INSYN2A: variants seen among roughly 807,000 people sequenced by gnomAD.
INSYN2A encodes the protein family with sequence similarity 196 member A.
In INSYN2A, 17 loss-of-function variants were observed where a neutral mutation model predicts 39.4. That is an observed-to-expected ratio of 0.43 (90% CI 0.30 to 0.65). The LOEUF (loss-of-function observed/expected upper bound fraction) is 0.65, where lower values mean the gene tolerates loss of function less well. Ranked by LOEUF, INSYN2A falls within the 30% of genes least tolerant of loss-of-function variation. The probability of loss-of-function intolerance (pLI) is 0.14; values close to 1 mark genes in which losing one functional copy is unlikely to be tolerated. For missense variants in INSYN2A, 595 were observed against 631.2 expected, an observed-to-expected ratio of 0.94 and a Z score of 0.61; for synonymous variants, 255 against 265.7, an observed-to-expected ratio of 0.96 and a Z score of 0.39.
chr10:127,143,203 A>G (rs1423856124), intron 5 of INSYN2A, among the ~76,000 whole-genome samples: 2 of 152,210 alleles, frequency 1.3e-5, no homozygotes, highest in Non-Finnish European at 2.9e-5. Flanking sequence ...GCAGTCGTCC[A>G]TGTGTAACAG....
chr10:127,139,068 C>T (rs150888179), intron 5 of INSYN2A, among the ~76,000 whole-genome samples: 144 of 152,290 alleles, frequency 9.5e-4, no homozygotes, highest in African/African-American at 3.2e-3. Context: ...GGGAGGATTC[C>T]GCTCTGTCCT....
At chr10:127,178,066 G>A (rs2055348699) in intron 2 of INSYN2A, among the ~76,000 whole-genome samples, 3 of 152,102 alleles carry the variant, frequency 2.0e-5, no homozygotes, top group Admixed American at 1.3e-4. Flanking sequence ...ATGACAGGCC[G>A]AGGTGCACGG....
chr10:127,176,235 T>C lies in INSYN2A; in HGVS notation c.161A>G (p.Glu54Gly). Residue 54 changes from glutamate (E) to glycine (G), a missense_variant, in exon 4 of 6, where the codon GAG (glutamate) becomes GGG (glycine). Glu to Gly is a moderately conservative substitution (Grantham distance 98, BLOSUM62 -2). This residue lies in a region of INSYN2A where 478 missense variants were observed against 467.4 expected (regional missense o/e 1.02). Coordinates refer to ENST00000522781, the MANE Select transcript of INSYN2A (RefSeq NM_001039762.3). This position sits in a 1 kb window ranked among gnomAD's most constrained non-coding sequence, Gnocchi z 4.4. ...ALQVRFKDIC[E>G]AQNEQRDTQL... Reference sequence around the variant, plus strand: ...TGTGTCCCTCTGCTCATTCTGTGCCTCGCAGATATCCTTAAACCGCACCTG... The same window carrying C: ...TGTGTCCCTCTGCTCATTCTGTGCCCCGCAGATATCCTTAAACCGCACCTG... The C allele has an allele frequency of 6.2e-7, 1 of 1,614,164 alleles. No homozygotes were observed. Among genetic ancestry groups the C allele is most frequent in the African/African-American group, 1.3e-5 (1 of 75,040 alleles).
chr10:127,193,866 C>T (rs1294793858), intron 1 of INSYN2A, among the ~76,000 whole-genome samples: 1 of 152,156 alleles, frequency 6.6e-6, no homozygotes, highest in African/African-American at 2.4e-5. Context: ...ATAGAGTACC[C>T]AGCCTCCCAT....
At chr10:127,159,234 T>TCACAGGA (rs2053369894) in intron 4 of INSYN2A, among the ~76,000 whole-genome samples, 2 of 152,300 alleles carry the variant, frequency 1.3e-5, no homozygotes, top group South Asian at 4.2e-4. Flanking sequence ...CCACCTTTCT[T>TCACAGGA]CACAGGACTT....
intron 2 of INSYN2A, among the ~76,000 whole-genome samples, chr10:127,178,552 C>T (rs540321698): frequency 3.3e-5 from 5 of 152,324 alleles, no homozygotes; most frequent in South Asian, 4.1e-4. Context: ...TGCATTAGCC[C>T]TTGCACCTCT....
Position 127,177,044 on chromosome 10 carries a change from A to C in INSYN2A, c.-173T>G, listed in dbSNP as rs376882111. 1 of 152,266 alleles carries C rather than the reference A, an allele frequency of 6.6e-6. No homozygotes were observed. Among genetic ancestry groups the C allele is most frequent in the East Asian group, 1.9e-4 (1 of 5,168 alleles). The allele number at this position is 152,266 out of a possible 1,614,324, so 9.4% of individuals were successfully genotyped here. On this transcript the variant is annotated 5_prime_UTR_variant, in exon 3 of 6. Transcript: ENST00000522781. Reference sequence around the variant, plus strand: ...AGGGGTGGTCGCTTCTCATGGGTTAACATCAGCTCTAAAAGGAACGTGGGT... The same window carrying C: ...AGGGGTGGTCGCTTCTCATGGGTTACCATCAGCTCTAAAAGGAACGTGGGT...
intron 4 of INSYN2A, among the ~76,000 whole-genome samples, chr10:127,171,450 T>C (rs1229668173): frequency 1.3e-5 from 2 of 152,210 alleles, no homozygotes; most frequent in Non-Finnish European, 2.9e-5. Context: ...ATGACCCCTT[T>C]GGGCCAGGTC....
chr10:127,143,700 A>G (rs2051502696), intron 5 of INSYN2A, among the ~76,000 whole-genome samples: 2 of 152,146 alleles, frequency 1.3e-5, no homozygotes, highest in South Asian at 4.1e-4. Flanking sequence ...GAGGAAACTA[A>G]AAGTTGGGAT....
chr10:127,138,739 G>A (rs183131853), intron 5 of INSYN2A, among the ~76,000 whole-genome samples: 1 of 152,350 alleles, frequency 6.6e-6, no homozygotes, highest in East Asian at 1.9e-4. Context: ...CAGAGCCAAT[G>A]TGGAAGCACA....
intron 2 of INSYN2A, among the ~76,000 whole-genome samples, chr10:127,190,542 T>TCCTCATTC (rs1171999072): frequency 6.6e-6 from 1 of 151,436 alleles, no homozygotes; most frequent in African/African-American, 2.4e-5. Context: ...TCATCCAATT[T>TCCTCATTC]CCTCCTATTT....
In INSYN2A at chr10:127,175,337, C is replaced by G. The variant is rs575636006; in HGVS notation, c.1059G>C (p.Thr353=). The G allele has an allele frequency of 1.9e-6, 3 of 1,614,098 alleles. No homozygotes were observed. The highest frequency in any genetic ancestry group is 1.1e-5 in the South Asian group (1 of 91,080). ...GEECQRIVPH[T]EVVDLKAQLQ... ...GTTGTGCTTTGAGGTCGACCACTTC[C>G]GTATGAGGCACGATTCGTTGGCATT... Residue 353 remains threonine, a synonymous_variant, in exon 4 of 6, where the codon ACG becomes ACC. Transcript: ENST00000522781. This position sits in a 1 kb window ranked among gnomAD's most constrained non-coding sequence, Gnocchi z 6.3.
At chr10:127,144,415 T>A (rs776469149) in intron 5 of INSYN2A, among the ~76,000 whole-genome samples, 2 of 152,202 alleles carry the variant, frequency 1.3e-5, no homozygotes, top group Non-Finnish European at 1.5e-5. Flanking sequence ...CCCCCAGGTC[T>A]GTGAACTCAT....
At chr10:127,154,118 T>C (rs1185793144) in intron 4 of INSYN2A, among the ~76,000 whole-genome samples, 195 bp from the exon 5 acceptor site, 2 of 152,248 alleles carry the variant, frequency 1.3e-5, no homozygotes, top group Non-Finnish European at 2.9e-5. Context: ...ACAGCTAAGA[T>C]GATATTTAAA....
intron 5 of INSYN2A, among the ~76,000 whole-genome samples, chr10:127,147,625 G>T (rs1391804455): frequency 6.6e-6 from 1 of 152,038 alleles, no homozygotes; most frequent in Non-Finnish European, 1.5e-5. Flanking sequence ...CCCAGGGCCT[G>T]GTGCAGAACT....
intron 4 of INSYN2A, among the ~76,000 whole-genome samples, chr10:127,163,538 G>A (rs995691012): frequency 1.3e-5 from 2 of 152,100 alleles, no homozygotes; most frequent in Admixed American, 6.6e-5. Flanking sequence ...ATGAATGAAT[G>A]AGTGAATGAA....
intron 5 of INSYN2A, among the ~76,000 whole-genome samples, chr10:127,149,018 C>T (rs2052201879): frequency 6.6e-6 from 1 of 152,124 alleles, no homozygotes; most frequent in Non-Finnish European, 1.5e-5. Flanking sequence ...CAATCCTCTG[C>T]CGAAGAAGTG....
intron 2 of INSYN2A, among the ~76,000 whole-genome samples, chr10:127,184,163 A>C (rs1305784317): frequency 3.3e-5 from 5 of 152,064 alleles, no homozygotes; most frequent in Non-Finnish European, 7.4e-5. Context: ...ACCCCAGCTG[A>C]GCTTGGAGCA....
intron 5 of INSYN2A, among the ~76,000 whole-genome samples, chr10:127,144,310 C>T (rs768439287): frequency 7.9e-5 from 12 of 152,180 alleles, no homozygotes; most frequent in Non-Finnish European, 1.5e-4. Flanking sequence ...CTCCCCCCTG[C>T]CTCATCCACA....
Sources: allele counts gnomAD v4.1 joint callset (sites outside exome capture counted in the v4.1 genomes callset), GRCh38; gene constraint gnomAD v4.1.1; regional missense constraint gnomAD v4.1.1; non-coding constraint Gnocchi (gnomAD v3.1); transcripts MANE v1.5; gene names NCBI Gene and HGNC (gene_info 2026-07-23, HGNC 2026-07-21).